Variants in TRMT44 observed in about 807,000 individuals in gnomAD.
TRMT44 encodes the protein tRNA methyltransferase 44 homolog.
A neutral mutation model predicts 77.3 loss-of-function variants in TRMT44; 78 were observed. The observed-to-expected ratio is 1.01, with a 90% CI of 0.84 to 1.22. The LOEUF is 1.22. Among genes scored for constraint, TRMT44 ranks in the 50% most tolerant of loss-of-function variants. TRMT44 has a pLI of 0.00. For synonymous variants in TRMT44, 391 were observed against 383.3 expected, an observed-to-expected ratio of 1.02 and a Z score of -0.23; for missense variants, 1,090 against 964.4, an observed-to-expected ratio of 1.13 and a Z score of -1.73.
At position 8,476,348 on chromosome 4, in the gene TRMT44, A is replaced by T; in HGVS notation, c.*347A>T. The T allele has an allele frequency of 3.2e-6, 1 of 308,676 alleles. No individual in the cohort carries two copies. Among genetic ancestry groups the T allele is most frequent in the Non-Finnish European group, 6.1e-6 (1 of 164,602 alleles). The allele number at this position is 308,676 out of a possible 1,614,324, so 19.1% of individuals were successfully genotyped here. ...CAGGCCCTTCCCAGGGCGCTGTCCG[A>T]CGCCTGCCCCACCATGTCCACATCT... On this transcript the variant is annotated 3_prime_UTR_variant, in exon 11 of 11. Coordinates refer to ENST00000389737, the MANE Select transcript of TRMT44 (RefSeq NM_152544.3).
the TRMT44 span, among the ~76,000 whole-genome samples, chr4:8,500,659 C>CT: frequency 0.016 from 2,218 of 140,502 alleles, 49 homozygotes; most frequent in African/African-American, 0.036. Context: ...GCACTGTTTA[C>CT]TTTTTTTTTT....
rs1312601703 is a variant in TRMT44, at chr4:8,461,224, C to T, written c.1204-2761C>T. On this transcript the variant is annotated intron_variant, in intron 6 of 10. Transcript: ENST00000389737. This position sits in a 1 kb window ranked among gnomAD's most constrained non-coding sequence, Gnocchi z 4.6. Reference sequence around the variant, plus strand: ...ATTGGCAGTTGCTTGTCCACTCATACATTACATTAGGAAATGTTTTCAAAA... The same window carrying T: ...ATTGGCAGTTGCTTGTCCACTCATATATTACATTAGGAAATGTTTTCAAAA... Among the ~76,000 whole-genome samples, 1 of 150,958 alleles carries T rather than the reference C, an allele frequency of 6.6e-6. No homozygotes were observed. The highest frequency in any genetic ancestry group is 1.5e-5 in the Non-Finnish European group (1 of 68,036).
the TRMT44 span, among the ~76,000 whole-genome samples, chr4:8,514,249 ATC>A: frequency 8.0e-6 from 1 of 124,502 alleles, no homozygotes; most frequent in Non-Finnish European, 1.6e-5. Flanking sequence ...CTGGGCTCTG[ATC>A]TTTTTTTTTT....
At chr4:8,487,969 G>A (rs1463961525) in intron 2 of TRMT44, among the ~76,000 whole-genome samples, 1 of 152,204 alleles carries the variant, frequency 6.6e-6, no homozygotes, top group Admixed American at 6.5e-5. Flanking sequence ...CGGATAAAAC[G>A]TGTCTCCTTT....
rs955363646 is a variant in TRMT44 at position 8,457,930 on chromosome 4, G to A, written c.1203+3117G>A. 7.9e-5 allele frequency among the ~76,000 whole-genome samples: 12 copies of A among 152,290 alleles called. No individual in the cohort carries two copies. In the East Asian group the frequency reaches 9.6e-4, roughly 12 times the overall value. On this transcript the variant is annotated intron_variant, in intron 6 of 10. Transcript: ENST00000389737. The stretch of plus-strand genomic sequence containing the variant: ...GCAGGAGATGAAGGGTGCAAGATAC[G>A]GATCTTGAGAAATTCAAGAGCTAAT...
At position 8,490,472 on chromosome 4, in the gene TRMT44, G is replaced by A. The variant is rs1028124840; in HGVS notation, n.3892-2794G>A. On this transcript the variant is annotated intron_variant and non_coding_transcript_variant, in intron 2 of 2. Transcript: ENST00000511366. The stretch of plus-strand genomic sequence containing the variant: ...TTACAGCTCTTAAGGCAGCGCGTCT[G>A]GAGTTGTTCATTCCTCCCAGTGGGC... 2.6e-5 allele frequency among the ~76,000 whole-genome samples: 4 copies of A among 151,662 alleles called. No individual in the cohort carries two copies. The East Asian group carries it at 5.8e-4, about 22-fold the overall frequency.
Position 8,451,962 on chromosome 4 carries a change from G to A in TRMT44, c.957G>A (p.Val319=). ...LKEKYKEMVK[V]WPEVTDPEKF... ...GTTTGCTCTTGAAACTGTTTTAGGT[G>A]TGGCCTGAAGTCACTGATCCTGAGA... The change falls in exon 4 of 11, where the codon GTG becomes GTA. Residue 319 remains valine (V), a splice_region_variant and synonymous_variant. Coordinates refer to ENST00000389737, the MANE Select transcript of TRMT44 (RefSeq NM_152544.3). The surrounding 1 kb of genome is among the most constrained non-coding windows in gnomAD (Gnocchi z 4.1). 6.5e-7 allele frequency: 1 copy of A among 1,536,730 alleles called. No homozygotes were observed. Among genetic ancestry groups the A allele is most frequent in the Non-Finnish European group, 8.7e-7 (1 of 1,147,024 alleles).
chr4:8,458,730 C>T (rs1489376053), intron 6 of TRMT44, among the ~76,000 whole-genome samples: 1 of 152,048 alleles, frequency 6.6e-6, no homozygotes, highest in African/African-American at 2.4e-5. Context: ...ACTGTGATTA[C>T]AGGTGTGAAC....
chr4:8,460,916 C>A (rs967486381), intron 6 of TRMT44, among the ~76,000 whole-genome samples: 1 of 152,128 alleles, frequency 6.6e-6, no homozygotes, highest in Non-Finnish European at 1.5e-5. Flanking sequence ...CTGATGTGAT[C>A]ACGGCTCACT....
chr4:8,476,043 C>T lies in TRMT44; in HGVS notation c.*42C>T. 6.3e-7 allele frequency: 1 copy of T among 1,582,832 alleles called. No individual in the cohort carries two copies. The highest frequency in any genetic ancestry group is 8.6e-7 in the Non-Finnish European group (1 of 1,157,226). ...CCGAGGCCTGGTTGGGGAGGCCAAA[C>T]CAAGGAGAGCTTCCCCAGCAGTCGT... On this transcript the variant is annotated 3_prime_UTR_variant, in exon 11 of 11. Transcript: ENST00000389737.
chr4:8,507,900 ATTTGT>A, the TRMT44 span, among the ~76,000 whole-genome samples: 1,574 of 151,480 alleles, frequency 0.01, 27 homozygotes, highest in African/African-American at 0.036. Context: ...TTTTGCTTTG[ATTTGT>A]TTTGTTTTGT....
chr4:8,482,588 G>A (rs1379960674), intron 2 of TRMT44: 1 of 152,880 alleles, frequency 6.5e-6, no homozygotes, highest in East Asian at 1.9e-4. Context: ...TGGCGGGCAG[G>A]AGTGGGGGTC....
At chr4:8,449,080 T>G (rs1286755253) in intron 2 of TRMT44, among the ~76,000 whole-genome samples, 1 of 152,202 alleles carries the variant, frequency 6.6e-6, no homozygotes, top group Non-Finnish European at 1.5e-5. Flanking sequence ...TTTTCCTCAT[T>G]TATTGAATGC....
At position 8,440,963 on chromosome 4, in the gene TRMT44, G is replaced by A. The variant is rs560407049; in HGVS notation, c.141G>A (p.Trp47Ter). The change falls in exon 1 of 11, where the codon TGG (tryptophan) becomes TGA (stop). Residue 47 changes from tryptophan (W) to a stop codon, truncating the protein, a stop_gained. Coordinates refer to ENST00000389737, the MANE Select transcript of TRMT44 (RefSeq NM_152544.3). LOFTEE classifies it high-confidence loss of function. ...GCGGCGCCCGCCTGGAGGCCCGCTG[G>A]AGCGCCGCCCTGCCCTGCGCGGAGG... is the stretch of plus-strand genomic sequence containing the variant. ...RLCGARLEAR[W>*]SAALPCAEAR... 2.0e-6 allele frequency: 3 copies of A among 1,529,150 alleles called. No homozygotes were observed. The highest frequency in any genetic ancestry group is 2.6e-6 in the Non-Finnish European group (3 of 1,144,974). The allele number at this position is 1,529,150 out of a possible 1,614,324, so 94.7% of individuals were successfully genotyped here.
the TRMT44 span, among the ~76,000 whole-genome samples, chr4:8,504,805 C>T: frequency 1.3e-5 from 2 of 152,274 alleles, no homozygotes; most frequent in African/African-American, 2.4e-5. This position sits in a 1 kb window ranked among gnomAD's most constrained non-coding sequence, Gnocchi z 5.3. Flanking sequence ...CCCTGCCCTG[C>T]CAGTGCCAGC....
downstream of TRMT44, among the ~76,000 whole-genome samples, chr4:8,494,429 G>A (rs76363822): frequency 0.01 from 1,574 of 152,264 alleles, 14 homozygotes; most frequent in Non-Finnish European, 0.014. Context: ...CCCTACGTTT[G>A]TTTTATCTTA....
At chr4:8,458,980 CTT>C (rs1725983367) in intron 6 of TRMT44, among the ~76,000 whole-genome samples, 4 of 151,566 alleles carry the variant, frequency 2.6e-5, no homozygotes, top group South Asian at 4.2e-4. Flanking sequence ...ATGAGGATCA[CTT>C]GAGTCCAGGA....
chr4:8,480,510 G>A (rs561438893), downstream of TRMT44, among the ~76,000 whole-genome samples: 2 of 152,226 alleles, frequency 1.3e-5, no homozygotes, highest in East Asian at 1.9e-4. Flanking sequence ...CCGGTAGGAC[G>A]CCCCCAGAAG....
chr4:8,479,823 T>A (rs973436266), downstream of TRMT44, among the ~76,000 whole-genome samples: 3 of 149,066 alleles, frequency 2.0e-5, no homozygotes, highest in Non-Finnish European at 2.9e-5. Flanking sequence ...TTTGACTCTT[T>A]TTTAATAACA....
Sources: gnomAD v4.1 joint callset for allele counts (sites outside exome capture counted in the v4.1 genomes callset) on GRCh38, gnomAD v4.1.1 for gene constraint, Gnocchi (gnomAD v3.1) non-coding constraint, MANE v1.5 for transcripts, NCBI Gene and HGNC (gene_info 2026-07-23, HGNC 2026-07-21) for gene names.